Variants in ATP10D observed in about 807,000 individuals in gnomAD.
The protein encoded by ATP10D is phospholipid-transporting ATPase VD.
In ATP10D, 89 loss-of-function variants were observed where a neutral mutation model predicts 144.8. The observed-to-expected ratio is 0.61, with a 90% CI of 0.52 to 0.73. The LOEUF (loss-of-function observed/expected upper bound fraction) is 0.73. Among genes scored for constraint, ATP10D ranks in the 30% least tolerant of loss-of-function variants. The pLI is 0.00. For missense variants in ATP10D, 1,603 were observed against 1,714.8 expected, an observed-to-expected ratio of 0.93 and a Z score of 1.15; for synonymous variants, 571 against 615.1, an observed-to-expected ratio of 0.93 and a Z score of 1.06.
chr4:47,509,723 A>G (rs1716211297), intron 1 of ATP10D, among the ~76,000 whole-genome samples: 2 of 152,200 alleles, frequency 1.3e-5, no homozygotes, highest in African/African-American at 4.8e-5. Context: ...GGATCTATTT[A>G]GGAACATGGA....
At chr4:47,486,754 ATAACT>A (rs1269099387) in intron 1 of ATP10D, among the ~76,000 whole-genome samples, 2 of 152,220 alleles carry the variant, frequency 1.3e-5, no homozygotes, top group Non-Finnish European at 2.9e-5. Context: ...ATTTGGAAAA[ATAACT>A]TAGCAACATT....
At chr4:47,543,140 TTATTC>T (rs936005526) in intron 9 of ATP10D, among the ~76,000 whole-genome samples, 1 of 152,190 alleles carries the variant, frequency 6.6e-6, no homozygotes, top group Non-Finnish European at 1.5e-5. Flanking sequence ...ATTGTTATAA[TTATTC>T]TATTTTATTA....
At chr4:47,541,855 A>T (rs1019946306) in intron 9 of ATP10D, among the ~76,000 whole-genome samples, 1 of 152,136 alleles carries the variant, frequency 6.6e-6, no homozygotes, top group African/African-American at 2.4e-5. Flanking sequence ...AAGAGAAATA[A>T]AGTAGACAAT....
intron 9 of ATP10D, among the ~76,000 whole-genome samples, chr4:47,540,931 C>T (rs1718102547): frequency 6.6e-6 from 1 of 152,110 alleles, no homozygotes; most frequent in Admixed American, 6.5e-5. Context: ...CCAGAGTATA[C>T]ATTTATGATG....
chr4:47,565,023 A>ATCTCT (rs954047584), intron 15 of ATP10D, among the ~76,000 whole-genome samples: 2 of 152,200 alleles, frequency 1.3e-5, no homozygotes, highest in African/African-American at 4.8e-5. Context: ...CTATGGCGCG[A>ATCTCT]TCTCGGCTCA....
intron 18 of ATP10D, among the ~76,000 whole-genome samples, chr4:47,573,899 A>G (rs1298566268): frequency 6.6e-6 from 1 of 151,430 alleles, no homozygotes; most frequent in Non-Finnish European, 1.5e-5. Context: ...TTTTTTTCCT[A>G]TAGCACAGTA....
chr4:47,527,773 T>C (rs1717329714), intron 5 of ATP10D, among the ~76,000 whole-genome samples: 1 of 152,130 alleles, frequency 6.6e-6, no homozygotes, highest in Non-Finnish European at 1.5e-5. Context: ...ACTTGAACAC[T>C]CATATGCTAC....
intron 1 of ATP10D, among the ~76,000 whole-genome samples, chr4:47,506,505 G>A (rs1164982987): frequency 6.6e-6 from 1 of 152,102 alleles, no homozygotes; most frequent in African/African-American, 2.4e-5. Flanking sequence ...AATATTGGAT[G>A]GGAAAATTAA....
At chr4:47,570,286 G>T (rs1719883109) in intron 16 of ATP10D, among the ~76,000 whole-genome samples, 1 of 152,156 alleles carries the variant, frequency 6.6e-6, no homozygotes. Context: ...ATGAGAGAAA[G>T]AGTTGTCATA....
chr4:47,506,044 A>G (rs946014885), intron 1 of ATP10D, among the ~76,000 whole-genome samples: 1 of 152,192 alleles, frequency 6.6e-6, no homozygotes. Context: ...TCTGCCTTCA[A>G]GCACATTTGT....
At chr4:47,555,638 T>C (rs1718946550) in intron 11 of ATP10D, among the ~76,000 whole-genome samples, 1 of 152,230 alleles carries the variant, frequency 6.6e-6, no homozygotes, top group Non-Finnish European at 1.5e-5. Context: ...TTTGCTTTAG[T>C]TTATGTGCCA....
chr4:47,490,844 G>A (rs1369979331), intron 1 of ATP10D: 2 of 360,412 alleles, frequency 5.5e-6, no homozygotes, highest in Non-Finnish European at 1.0e-5. Flanking sequence ...AAACTGTCTT[G>A]TGAAGCACAT....
rs372992330 is a variant in ATP10D, at chr4:47,562,881, C to T, written c.2669-700C>T. Among the ~76,000 whole-genome samples the T allele has an allele frequency of 8.6e-5, 13 of 152,006 alleles. 1 individual carries two copies. Among genetic ancestry groups the T allele is most frequent in the East Asian group, 7.7e-4 (4 of 5,180 alleles). On this transcript the variant is annotated intron_variant, in intron 14 of 22. Transcript: ENST00000273859. ...CACATATATACACAATGGAATCCCA[C>T]TCAGCCATAAAAAAGAATGAAATTG...
Position 47,572,295 on chromosome 4 carries a change from C to T in ATP10D, c.3240+65C>T, listed in dbSNP as rs1338925368. ...CTGCCCATCCAAAGGCAGCATTCTC[C>T]ATGGTAAATTCTCTGTGGCAGAGTG... On this transcript the variant is annotated intron_variant, in intron 17 of 22. Transcript: ENST00000273859. The T allele has an allele frequency of 3.6e-5, 52 of 1,428,110 alleles. 1 individual carries two copies. The South Asian group carries it at 5.9e-4, about 16-fold the overall frequency. The allele number at this position is 1,428,110 out of a possible 1,614,324, so 88.5% of individuals were successfully genotyped here.
At chr4:47,572,368 T>G (rs1290635640) in intron 17 of ATP10D, 138 bp downstream of exon 17, 5 of 670,944 alleles carry the variant, frequency 7.5e-6, no homozygotes, top group Non-Finnish European at 1.3e-5. Flanking sequence ...AGTTTACCTA[T>G]CTATTCATTG....
rs1721097519 is a variant in ATP10D, at chr4:47,592,612, C to G, written c.*1231C>G. On this transcript the variant is annotated 3_prime_UTR_variant, in exon 23 of 23. Transcript: ENST00000273859. ...TATTATATTTGAAAGTTGTCAGCCA[C>G]CAGTCATCCAGAATTTCCTTCCTGA... 1 of 152,470 alleles carries G rather than the reference C, an allele frequency of 6.6e-6. No individual in the cohort carries two copies. The allele number at this position is 152,470 out of a possible 1,614,324, so 9.4% of individuals were successfully genotyped here. A position where few individuals can be genotyped will look rare whatever the true frequency, so the allele number is the denominator to read the frequency against.
intron 1 of ATP10D, among the ~76,000 whole-genome samples, chr4:47,490,235 T>C (rs1226796642): frequency 6.6e-6 from 1 of 152,228 alleles, no homozygotes; most frequent in East Asian, 1.9e-4. Flanking sequence ...TACTAAATTC[T>C]TTCCTAGAGA....
intron 1 of ATP10D, among the ~76,000 whole-genome samples, chr4:47,493,805 G>C (rs973417923): frequency 6.6e-6 from 1 of 152,056 alleles, no homozygotes; most frequent in Non-Finnish European, 1.5e-5. Flanking sequence ...GGTTGGGGAG[G>C]GGGCGGCAGG....
chr4:47,542,550 T>C (rs1212923650), intron 9 of ATP10D, among the ~76,000 whole-genome samples: 2 of 152,192 alleles, frequency 1.3e-5, no homozygotes, highest in Non-Finnish European at 2.9e-5. Context: ...CGATCTTGGC[T>C]CACTGCAACC....
Sources: gnomAD v4.1 joint callset for allele counts (sites outside exome capture counted in the v4.1 genomes callset) on GRCh38, gnomAD v4.1.1 for gene constraint, MANE v1.5 for transcripts, NCBI Gene and HGNC (gene_info 2026-07-23, HGNC 2026-07-21) for gene names.